Variants in SGK1 observed in about 807,000 individuals in gnomAD.
SGK1 encodes the protein serum/glucocorticoid regulated kinase 1, also known as serine/threonine-protein kinase Sgk1.
Under a neutral mutation model 64.2 loss-of-function variants are expected in SGK1, and 26 were observed. The observed-to-expected ratio is 0.40, with a 90% CI of 0.30 to 0.56. The LOEUF is 0.56. SGK1 is among the 20% of genes least tolerant of loss of function. The probability of loss-of-function intolerance (pLI) is 0.38; values close to 1 mark genes in which losing one functional copy is unlikely to be tolerated. For synonymous variants in SGK1, 265 were observed against 239.7 expected (o/e 1.11, Z -0.98); for missense variants, 519 against 645.6 (o/e 0.80, Z 2.12).
chr6:134,290,823 T>C (rs1212418103), intron 1 of SGK1, among the ~76,000 whole-genome samples: 2 of 152,204 alleles, frequency 1.3e-5, no homozygotes, highest in Non-Finnish European at 2.9e-5. Context: ...ACTACTCATG[T>C]CTTCCCACCC....
chr6:134,215,130 C>CTTTTTTTT, intron 2 of SGK1: 3 of 344,070 alleles, frequency 8.7e-6, no homozygotes, highest in African/African-American at 2.6e-5. Flanking sequence ...TTCTTTCTTT[C>CTTTTTTTT]TTTCTTTTTT....
At chr6:134,240,692 T>C (rs1309161152) in intron 2 of SGK1, among the ~76,000 whole-genome samples, 1 of 152,256 alleles carries the variant, frequency 6.6e-6, no homozygotes, top group Non-Finnish European at 1.5e-5. Context: ...TTATTCCTAG[T>C]ACTGTTATTC....
intron 4 of SGK1, 126 bp from the exon 5 acceptor site, chr6:134,174,206 CCAATA>C: frequency 1.5e-6 from 1 of 671,278 alleles, no homozygotes; most frequent in African/African-American, 1.8e-5. Context: ...TGAAAATACC[CCAATA>C]CATTAGTCAG....
intron 1 of SGK1, among the ~76,000 whole-genome samples, chr6:134,276,336 G>C (rs1231936675): frequency 6.6e-6 from 1 of 152,184 alleles, no homozygotes; most frequent in African/African-American, 2.4e-5. Flanking sequence ...GCGAGCATGA[G>C]TTCATCTCTG....
intron 1 of SGK1, among the ~76,000 whole-genome samples, chr6:134,263,106 C>A (rs890776426): frequency 6.6e-6 from 1 of 152,020 alleles, no homozygotes; most frequent in Non-Finnish European, 1.5e-5. Flanking sequence ...TACTTTGACC[C>A]TTATTATTAT....
At chr6:134,191,834 G>GGTTTTTTTTT (rs1491153978) in intron 3 of SGK1, among the ~76,000 whole-genome samples, 2 of 17,300 alleles carry the variant, frequency 1.2e-4, no homozygotes, top group Non-Finnish European at 3.2e-4. Context: ...ACGCCCGGCT[G>GGTTTTTTTTT]ATTTTTTTTT....
chr6:134,219,867 G>A (rs1429818149), intron 2 of SGK1, among the ~76,000 whole-genome samples: 6 of 145,868 alleles, frequency 4.1e-5, no homozygotes, highest in Middle Eastern at 3.6e-3. Flanking sequence ...AGACCATCCC[G>A]GCTAAAACGG....
intron 3 of SGK1, among the ~76,000 whole-genome samples, chr6:134,183,442 G>C (rs1033710561): frequency 2.0e-5 from 3 of 152,168 alleles, no homozygotes. Flanking sequence ...TAATGTGAAT[G>C]GGTTCTTGAC....
rs1776747108 is a variant in SGK1, at chr6:134,260,374, A to ACAC, written c.285+1558_285+1559insGTG. On this transcript the variant is annotated intron_variant, in intron 2 of 13. Coordinates refer to ENST00000367858, the MANE Select transcript of SGK1 (RefSeq NM_001143676.3). ...CCCTGTCTCCCTGTCCCCGACCCCC[A>ACAC]CCCCCCCCAAAAAAAGGGCCGGCGT... 2 of 113,210 alleles carry ACAC rather than the reference A, an allele frequency of 1.8e-5. 1 individual carries two copies. The highest frequency in any genetic ancestry group is 9.7e-3 in the Middle Eastern group (2 of 206). 7.0% of individuals were successfully genotyped at this position (113,210 alleles called of 1,614,324 possible).
intron 2 of SGK1, among the ~76,000 whole-genome samples, chr6:134,239,447 T>C (rs1355838693): frequency 6.6e-6 from 1 of 152,238 alleles, no homozygotes; most frequent in Non-Finnish European, 1.5e-5. Flanking sequence ...CTGCTACCTC[T>C]GTCTAACCTT....
intron 3 of SGK1, among the ~76,000 whole-genome samples, chr6:134,196,745 C>G (rs1326449519): frequency 6.6e-6 from 1 of 152,124 alleles, no homozygotes; most frequent in Non-Finnish European, 1.5e-5. Context: ...TTTAAAACTT[C>G]GAGTTGAAGT....
At chr6:134,171,505 A>G (rs1775024711) in intron 11 of SGK1, 132 bp downstream of exon 11, 1 of 651,466 alleles carries the variant, frequency 1.5e-6, no homozygotes, top group Non-Finnish European at 2.7e-6. Context: ...ACTATAAAAT[A>G]ACCAATATGC....
intron 2 of SGK1, among the ~76,000 whole-genome samples, chr6:134,231,160 G>C (rs1189624420): frequency 1.3e-5 from 2 of 152,208 alleles, no homozygotes; most frequent in African/African-American, 4.8e-5. Context: ...CTGCATGCCA[G>C]TCTCCGTGAC....
chr6:134,222,681 T>C (rs1763502), intron 2 of SGK1, among the ~76,000 whole-genome samples: 90,292 of 152,054 alleles, frequency 0.59, 30,153 homozygotes, highest in South Asian at 0.84. Context: ...TTTCAGATTA[T>C]TGTCTATGAC....
At chr6:134,273,888 G>A (rs1562271507) in intron 1 of SGK1, among the ~76,000 whole-genome samples, 1 of 152,000 alleles carries the variant, frequency 6.6e-6, no homozygotes, top group Non-Finnish European at 1.5e-5. Context: ...TGACCTCCTG[G>A]GCTCCAGTGA....
At chr6:134,180,403 T>G (rs1775313371) in intron 3 of SGK1, 1 of 152,168 alleles carries the variant, frequency 6.6e-6, no homozygotes, top group African/African-American at 2.4e-5. Flanking sequence ...GAATGCAATA[T>G]GATAGGTAAG....
chr6:134,174,867 G>A (rs1775169679), intron 3 of SGK1: 4 of 1,609,582 alleles, frequency 2.5e-6, no homozygotes, highest in Non-Finnish European at 3.4e-6. Context: ...CGTATGCTGC[G>A]CCAGGCCGCG....
At chr6:134,278,295 C>T (rs866599597) in intron 1 of SGK1, among the ~76,000 whole-genome samples, 3 of 152,222 alleles carry the variant, frequency 2.0e-5, no homozygotes, top group Non-Finnish European at 4.4e-5. Flanking sequence ...ATCCACAAGG[C>T]TTTTAAGATA....
intron 2 of SGK1, among the ~76,000 whole-genome samples, chr6:134,212,601 G>A (rs1188656158): frequency 6.6e-6 from 1 of 152,036 alleles, no homozygotes; most frequent in Non-Finnish European, 1.5e-5. Flanking sequence ...CCAGGCCAGG[G>A]TTAGATAATA....
Sources: gnomAD v4.1 joint callset for allele counts (sites outside exome capture counted in the v4.1 genomes callset) on GRCh38, gnomAD v4.1.1 for gene constraint, MANE v1.5 for transcripts, NCBI Gene and HGNC (gene_info 2026-07-23, HGNC 2026-07-21) for gene names.